TSHZ2: variants seen among roughly 807,000 people sequenced by gnomAD.
TSHZ2 encodes the protein teashirt zinc finger homeobox 2.
TSHZ2 carries 21 observed loss-of-function variants against 74.4 expected under a neutral mutation model. The ratio of observed to expected loss-of-function variants is 0.28; its 90% CI spans 0.20 to 0.41. The LOEUF (loss-of-function observed/expected upper bound fraction) is 0.41. Among genes scored for constraint, TSHZ2 ranks in the 10% least tolerant of loss-of-function variants. The pLI is 1.00. For missense variants in TSHZ2, 1,244 were observed against 1,293.5 expected (o/e 0.96, Z 0.59); for synonymous variants, 540 against 515.3 (o/e 1.05, Z -0.65).
chr20:53,059,401 T>TG (rs1305593856), intron 1 of TSHZ2, among the ~76,000 whole-genome samples: 1 of 152,020 alleles, frequency 6.6e-6, no homozygotes, highest in Non-Finnish European at 1.5e-5. Context: ...GCAGAGGAAA[T>TG]GAAAAACTTA....
At chr20:53,379,788 C>A (rs138370443) in intron 2 of TSHZ2, among the ~76,000 whole-genome samples, 1 of 152,292 alleles carries the variant, frequency 6.6e-6, no homozygotes, top group East Asian at 1.9e-4. Flanking sequence ...AAATGGCTTT[C>A]TTCCAAAGGG....
chr20:53,298,748 G>A (rs1019274539), intron 2 of TSHZ2, among the ~76,000 whole-genome samples: 4 of 152,202 alleles, frequency 2.6e-5, no homozygotes, highest in African/African-American at 9.7e-5. Context: ...GCTACTGAGT[G>A]AGGAAAACAA....
At chr20:53,423,403 A>ACAAAC (rs369724913) in intron 2 of TSHZ2, among the ~76,000 whole-genome samples, 3 of 151,876 alleles carry the variant, frequency 2.0e-5, no homozygotes, top group Non-Finnish European at 2.9e-5. Flanking sequence ...AAACAAACAA[A>ACAAAC]AAAGGCTATG....
At chr20:53,401,372 A>T (rs2145679577) in intron 2 of TSHZ2, 1 of 152,200 alleles carries the variant, frequency 6.6e-6, no homozygotes, top group East Asian at 1.9e-4. Context: ...CTATGTTTTT[A>T]ATTATACTTT....
chr20:53,410,005 C>A (rs1451302584), intron 2 of TSHZ2, among the ~76,000 whole-genome samples: 1 of 151,772 alleles, frequency 6.6e-6, no homozygotes, highest in Non-Finnish European at 1.5e-5. Context: ...TGCTACCACA[C>A]CTGGCTAATT....
chr20:53,134,142 G>A (rs1185097377), intron 1 of TSHZ2, among the ~76,000 whole-genome samples: 1 of 152,094 alleles, frequency 6.6e-6, no homozygotes, highest in African/African-American at 2.4e-5. Flanking sequence ...CACCTATAAA[G>A]TGGGCACAAC....
intron 1 of TSHZ2, among the ~76,000 whole-genome samples, chr20:53,130,145 G>A (rs1052497465): frequency 4.6e-5 from 7 of 151,778 alleles, no homozygotes; most frequent in Admixed American, 3.9e-4. Context: ...ATTTCTTAGC[G>A]CTAGATGCTG....
chr20:53,355,825 G>T (rs183840781), intron 2 of TSHZ2, among the ~76,000 whole-genome samples: 12 of 152,298 alleles, frequency 7.9e-5, no homozygotes, highest in Admixed American at 7.2e-4. Flanking sequence ...AAGAAGAAAG[G>T]ATTTCCTAAG....
At chr20:53,461,352 A>T (rs1985362987) in intron 2 of TSHZ2, 1 of 153,260 alleles carries the variant, frequency 6.5e-6, no homozygotes, top group Non-Finnish European at 1.4e-5. Flanking sequence ...GAACTCCCTG[A>T]CCCCTTGCGC....
At chr20:53,122,542 C>G (rs940504929) in intron 1 of TSHZ2, among the ~76,000 whole-genome samples, 3 of 152,056 alleles carry the variant, frequency 2.0e-5, no homozygotes, top group Non-Finnish European at 4.4e-5. Flanking sequence ...AAGGTTGAGC[C>G]AGGGATCTAG....
intron 1 of TSHZ2, among the ~76,000 whole-genome samples, chr20:53,066,972 C>G (rs777434596): frequency 6.6e-6 from 1 of 152,166 alleles, no homozygotes; most frequent in African/African-American, 2.4e-5. Context: ...GTGGGACCAG[C>G]TCCTCACATT....
intron 1 of TSHZ2, among the ~76,000 whole-genome samples, chr20:53,250,044 G>A (rs1390786366): frequency 2.6e-5 from 4 of 152,154 alleles, no homozygotes; most frequent in Non-Finnish European, 5.9e-5. Context: ...GAATGGACCG[G>A]ATTTGCTCGT....
intron 1 of TSHZ2, among the ~76,000 whole-genome samples, chr20:52,985,008 G>A (rs1040321369): frequency 5.9e-5 from 9 of 152,234 alleles, no homozygotes; most frequent in Non-Finnish European, 1.0e-4. Flanking sequence ...CTGAGCCAAA[G>A]TGGAAACCAA....
chr20:53,468,717 A>G (rs944672838), intron 2 of TSHZ2, among the ~76,000 whole-genome samples: 1 of 151,036 alleles, frequency 6.6e-6, no homozygotes, highest in Non-Finnish European at 1.5e-5. Flanking sequence ...AAACTAAAAA[A>G]ACTCTCCTCC....
intron 2 of TSHZ2, among the ~76,000 whole-genome samples, chr20:53,413,223 T>C (rs771926381): frequency 6.6e-6 from 1 of 152,192 alleles, no homozygotes; most frequent in Non-Finnish European, 1.5e-5. Context: ...CGCTGATCGG[T>C]GGCTGACCGT....
intron 2 of TSHZ2, among the ~76,000 whole-genome samples, chr20:53,277,296 A>C (rs1332900017): frequency 6.6e-6 from 1 of 152,236 alleles, no homozygotes; most frequent in Non-Finnish European, 1.5e-5. Context: ...TATTGTGTTT[A>C]TCAAAATCTT....
chr20:53,247,065 C>G (rs1990225435), intron 1 of TSHZ2, among the ~76,000 whole-genome samples: 1 of 152,208 alleles, frequency 6.6e-6, no homozygotes, highest in African/African-American at 2.4e-5. Context: ...CACGCCATCT[C>G]CAGCAGTGCT....
chr20:53,263,991 C>T (rs950872301), intron 2 of TSHZ2, among the ~76,000 whole-genome samples: 5 of 152,290 alleles, frequency 3.3e-5, no homozygotes, highest in South Asian at 2.1e-4. Flanking sequence ...AAATTCCAGG[C>T]AAATCAGGTG....
chr20:53,153,711 G>A (rs1281399757), intron 1 of TSHZ2, among the ~76,000 whole-genome samples: 1 of 152,110 alleles, frequency 6.6e-6, no homozygotes, highest in Non-Finnish European at 1.5e-5. Context: ...TGAAAAGAGT[G>A]TCCAGTTTGC....
Sources: gnomAD v4.1 joint callset for allele counts (sites outside exome capture counted in the v4.1 genomes callset) on GRCh38, gnomAD v4.1.1 for gene constraint, MANE v1.5 for transcripts, NCBI Gene and HGNC (gene_info 2026-07-23, HGNC 2026-07-21) for gene names.